The following MAP2K1 variants were observed in gnomAD, a reference collection of about 807,000 sequenced individuals.
The protein encoded by MAP2K1 is mitogen-activated protein kinase kinase 1.
MAP2K1 carries 16 observed loss-of-function variants against 46.3 expected under a neutral mutation model. That is an observed-to-expected ratio of 0.35 (90% CI 0.23 to 0.52). MAP2K1 has a LOEUF of 0.52. Among genes scored for constraint, MAP2K1 ranks in the 20% least tolerant of loss-of-function variants. The probability of loss-of-function intolerance (pLI) is 0.94; values close to 1 mark genes in which losing one functional copy is unlikely to be tolerated. For synonymous variants in MAP2K1, 183 were observed against 185.6 expected (o/e 0.99, Z 0.11); for missense variants, 263 against 497.1 (o/e 0.53, Z 4.48).
intron 1 of MAP2K1, among the ~76,000 whole-genome samples, chr15:66,390,382 G>T (rs566276710): frequency 6.6e-6 from 1 of 152,272 alleles, no homozygotes; most frequent in Non-Finnish European, 1.5e-5. Flanking sequence ...TTAGACCAGG[G>T]CACAATTTTG....
chr15:66,430,600 C>T (rs541732215), intron 1 of MAP2K1, among the ~76,000 whole-genome samples: 2 of 152,320 alleles, frequency 1.3e-5, no homozygotes, highest in South Asian at 4.1e-4. Flanking sequence ...AAGGAGCTCT[C>T]TCCTAGGAGT....
At chr15:66,409,862 A>AT (rs1595844972) in intron 1 of MAP2K1, among the ~76,000 whole-genome samples, 1 of 152,098 alleles carries the variant, frequency 6.6e-6, no homozygotes, top group Non-Finnish European at 1.5e-5. Flanking sequence ...TTTTTAAAGA[A>AT]TTTTTTTCTG....
Position 66,403,686 on chromosome 15 carries a change from A to G in MAP2K1, c.80+16259A>G, listed in dbSNP as rs578256864. ...AGAAATTTGGGGAGTTGTGGAGAGAAGACATGAAATGAGTCAATCGTTGTT... is the reference window on the plus strand; with the variant it reads ...AGAAATTTGGGGAGTTGTGGAGAGAGGACATGAAATGAGTCAATCGTTGTT... On this transcript the variant is annotated intron_variant, in intron 1 of 10. Transcript: ENST00000307102. 4.6e-5 allele frequency among the ~76,000 whole-genome samples: 7 copies of G among 152,322 alleles called. No homozygotes were observed. The South Asian group carries it at 1.4e-3, about 32-fold the overall frequency.
chr15:66,471,658 ATT>A (rs5813395), intron 5 of MAP2K1, among the ~76,000 whole-genome samples: 8,543 of 151,514 alleles, frequency 0.056, 345 homozygotes, highest in Middle Eastern at 0.11. Flanking sequence ...AATAAAGATG[ATT>A]TTTTTTTTTG....
chr15:66,411,910 G>C (rs942511498), intron 1 of MAP2K1, among the ~76,000 whole-genome samples: 1 of 152,186 alleles, frequency 6.6e-6, no homozygotes, highest in African/African-American at 2.4e-5. Context: ...ATTTAAGGCA[G>C]GAGAGAGATC....
At position 66,388,994 on chromosome 15, in the gene MAP2K1, C is replaced by A. The variant is rs112547822; in HGVS notation, c.80+1567C>A. ...CGATCTTGGCTAACTGCAGCCTCTGCCTCCCGGGTTCAAGCGACTCTCCTG... is the reference window on the plus strand; with the variant it reads ...CGATCTTGGCTAACTGCAGCCTCTGACTCCCGGGTTCAAGCGACTCTCCTG... On this transcript the variant is annotated intron_variant, in intron 1 of 10. Coordinates refer to ENST00000307102, the MANE Select transcript of MAP2K1 (RefSeq NM_002755.4). 1.3e-3 allele frequency among the ~76,000 whole-genome samples: 182 copies of A among 145,432 alleles called. 1 individual carries two copies. The Middle Eastern group carries it at 0.02, about 16-fold the overall frequency.
At chr15:66,449,003 C>CAAAAAAAAAAAAAA (rs59398424) in intron 5 of MAP2K1, among the ~76,000 whole-genome samples, 1 of 47,948 alleles carries the variant, frequency 2.1e-5, no homozygotes. Context: ...GACACTGTCT[C>CAAAAAAAAAAAAAA]AAAAAAAAAA....
At chr15:66,397,891 C>T (rs961644700) in intron 1 of MAP2K1, among the ~76,000 whole-genome samples, 36 of 152,236 alleles carry the variant, frequency 2.4e-4, no homozygotes, top group African/African-American at 7.5e-4. Context: ...ATCACGAGCT[C>T]AGGAGTTCGA....
At chr15:66,489,015 G>T in intron 8 of MAP2K1, 200 bp from the exon 9 acceptor site, 1 of 626,018 alleles carries the variant, frequency 1.6e-6, no homozygotes, top group Non-Finnish European at 2.9e-6. Context: ...GAGATCAGTG[G>T]TTCCAACATG....
At chr15:66,461,502 AAATAAAT>A (rs1432942103) in intron 5 of MAP2K1, among the ~76,000 whole-genome samples, 1 of 150,680 alleles carries the variant, frequency 6.6e-6, no homozygotes, top group Non-Finnish European at 1.5e-5. Context: ...ATAAATAAAT[AAATAAAT>A]AAATAATAAA....
chr15:66,479,207 C>T (rs1011825465), intron 5 of MAP2K1, among the ~76,000 whole-genome samples: 2 of 152,058 alleles, frequency 1.3e-5, no homozygotes, highest in African/African-American at 4.8e-5. Context: ...AACGATTCTC[C>T]TGCCTCAGCC....
chr15:66,490,105 C>A (rs1310176227), intron 10 of MAP2K1: 5 of 525,938 alleles, frequency 9.5e-6, no homozygotes, highest in Non-Finnish European at 1.7e-5. Flanking sequence ...TCACTCTCCG[C>A]CTGCTGTCTC....
intron 5 of MAP2K1, among the ~76,000 whole-genome samples, chr15:66,449,023 A>AC (rs1891958996): frequency 6.6e-6 from 1 of 150,492 alleles, no homozygotes; most frequent in Non-Finnish European, 1.5e-5. Context: ...AAAAAAAAAA[A>AC]AAAAACAACA....
chr15:66,417,784 G>T (rs1249214848), intron 1 of MAP2K1, among the ~76,000 whole-genome samples: 1 of 152,128 alleles, frequency 6.6e-6, no homozygotes, highest in African/African-American at 2.4e-5. Context: ...AGCTGTTCTT[G>T]TATATAAGGG....
chr15:66,471,100 T>C (rs958034086), intron 5 of MAP2K1, among the ~76,000 whole-genome samples: 4 of 152,202 alleles, frequency 2.6e-5, no homozygotes, highest in African/African-American at 9.6e-5. Context: ...GGGATGGCTT[T>C]GAACAGAATG....
At chr15:66,425,446 C>G (rs558117194) in intron 1 of MAP2K1, among the ~76,000 whole-genome samples, 1 of 152,272 alleles carries the variant, frequency 6.6e-6, no homozygotes, top group South Asian at 2.1e-4. Context: ...TGGCCGCCTA[C>G]TCTTCTTCAC....
At chr15:66,395,791 T>A (rs1371628845) in intron 1 of MAP2K1, among the ~76,000 whole-genome samples, 1 of 151,924 alleles carries the variant, frequency 6.6e-6, no homozygotes, top group Non-Finnish European at 1.5e-5. Flanking sequence ...TTGCCCAGCC[T>A]GGTCTCGAAC....
At chr15:66,421,125 CATAT>C (rs750242189) in intron 1 of MAP2K1, among the ~76,000 whole-genome samples, 2,285 of 66,424 alleles carry the variant, frequency 0.034, 35 homozygotes, top group South Asian at 0.075. Context: ...CACACACACA[CATAT>C]ATATATATAT....
At position 66,424,278 on chromosome 15, in the gene MAP2K1, G is replaced by A. The variant is rs762347587; in HGVS notation, c.81-10749G>A. Among the ~76,000 whole-genome samples, 5 of 151,714 alleles carry A rather than the reference G, an allele frequency of 3.3e-5. No homozygotes were observed. In the East Asian group the frequency reaches 5.9e-4, roughly 18 times the overall value. ...TCGCCATGTTGGCCAGGCTGATGTC[G>A]AACTCCTGACCTCAAGTGATCTGCC... is the stretch of plus-strand genomic sequence containing the variant. On this transcript the variant is annotated intron_variant, in intron 1 of 10. Transcript: ENST00000307102.
Sources: gnomAD v4.1 joint callset for allele counts (sites outside exome capture counted in the v4.1 genomes callset) on GRCh38, gnomAD v4.1.1 for gene constraint, MANE v1.5 for transcripts, NCBI Gene and HGNC (gene_info 2026-07-23, HGNC 2026-07-21) for gene names.